Variants in HR observed in about 807,000 individuals in gnomAD.
HR encodes HR lysine demethylase and nuclear receptor corepressor, also known as lysine-specific demethylase hairless.
A neutral mutation model predicts 128.6 loss-of-function variants in HR; 83 were observed. The ratio of observed to expected loss-of-function variants is 0.65; its 90% CI spans 0.54 to 0.77. The LOEUF is 0.77. Among genes scored for constraint, HR ranks in the 30% least tolerant of loss-of-function variants. The pLI is 0.00. For missense variants in HR, 1,490 were observed against 1,574.6 expected, an observed-to-expected ratio of 0.95 and a Z score of 0.91; for synonymous variants, 681 against 658.2, an observed-to-expected ratio of 1.03 and a Z score of -0.53.
At chr8:22,123,947 G>T (rs1826823390) in intron 5 of HR, 134 bp from the exon 6 acceptor site, 5 of 1,043,072 alleles carry the variant, frequency 4.8e-6, no homozygotes, top group Admixed American at 2.0e-5. Context: ...CCCCAGGGAA[G>T]GGAGACAGGC....
Position 22,120,775 on chromosome 8 carries a change from G to C in HR, c.2551C>G (p.Pro851Ala). The C allele has an allele frequency of 6.5e-7, 1 of 1,530,750 alleles. No individual in the cohort carries two copies. The highest frequency in any genetic ancestry group is 8.8e-7 in the Non-Finnish European group (1 of 1,136,094). The allele number at this position is 1,530,750 out of a possible 1,614,324, so 94.8% of individuals were successfully genotyped here. A position where few individuals can be genotyped will look rare whatever the true frequency, so the allele number is the denominator to read the frequency against. The change falls in exon 11 of 19, where the codon CCC becomes GCC. Residue 851 changes from proline (P) to alanine (A), a missense_variant. By Grantham distance (27) the Pro-to-Ala change is conservative (BLOSUM62 -1). Transcript: ENST00000381418. ...AAGCCACGCCGAGGGCAAGGCTGGGGCTCCTGCAGCCACAGCAAAGCCCCT... is the reference window on the plus strand; with the variant it reads ...AAGCCACGCCGAGGGCAAGGCTGGGCCTCCTGCAGCCACAGCAAAGCCCCT... ...PPGALLWLQE[P>A]QPCPRRGFHL...
chr8:22,129,497 T>A (rs1249667244), intron 1 of HR, among the ~76,000 whole-genome samples: 2 of 152,220 alleles, frequency 1.3e-5, no homozygotes, highest in Non-Finnish European at 2.9e-5. Flanking sequence ...AAGCTAGGAA[T>A]CTGCTCACGA....
In HR at chr8:22,119,844, G is replaced by A. The variant is rs751686546; in HGVS notation, c.2893C>T (p.Leu965Phe). The A allele has an allele frequency of 6.2e-7, 1 of 1,613,856 alleles. No homozygotes were observed. The highest frequency in any genetic ancestry group is 1.1e-5 in the South Asian group (1 of 91,086). ...GAAGCCAGGTTGAGTTTTCCATGGA[G>A]GGCGCAGTACTCCGGAAGTGGCAGA... ...ASLPLPEYCA[L>F]HGKLNLASYL... Residue 965 changes from leucine (L) to phenylalanine (F), a missense_variant, in exon 14 of 19, where the codon CTC becomes TTC. Around this residue, in one of 3 missense-constraint regions of HR, gnomAD observed 423 missense variants for 495.9 expected, o/e 0.85. Coordinates refer to ENST00000381418, the MANE Select transcript of HR (RefSeq NM_005144.5).
Position 22,129,035 on chromosome 8 carries a change from G to T in HR, c.136C>A (p.Pro46Thr), listed in dbSNP as rs760827763. The stretch of plus-strand genomic sequence containing the variant: ...AGGACGCCCCTCCAAAAGGGAGCAG[G>T]CTCTCCCAGGCACAGCGGCCCATGG... ...LHHGPLCLGE[P>T]APFWRGVLST... Residue 46 changes from proline to threonine, a missense_variant, in exon 2 of 19, where the codon CCT (proline) becomes ACT (threonine). By Grantham distance (38) the Pro-to-Thr change is conservative. Transcript: ENST00000381418. 6.2e-7 allele frequency: 1 copy of T among 1,605,560 alleles called. No homozygotes were observed. Among genetic ancestry groups the T allele is most frequent in the Non-Finnish European group, 8.5e-7 (1 of 1,175,560 alleles).
rs757776752 is a variant in HR, at chr8:22,129,051, C to T, written c.120G>A (p.Pro40=). The T allele has an allele frequency of 2.1e-5, 34 of 1,599,246 alleles. No individual in the cohort carries two copies. The Admixed American group carries it at 3.7e-4, about 18-fold the overall frequency. ...AGGGAGCAGGCTCTCCCAGGCACAG[C>T]GGCCCATGGTGCAGTCCATCTCGAG... ...SPPRDGLHHG[P]LCLGEPAPFW... Residue 40 remains proline (P), a synonymous_variant, in exon 2 of 19, where the codon CCG becomes CCA. Transcript: ENST00000381418.
In HR at chr8:22,114,575, G is replaced by C. The variant is rs536860310; in HGVS notation, c.*1125C>G. 2.0e-5 allele frequency: 3 copies of C among 153,308 alleles called. No individual in the cohort carries two copies. Among genetic ancestry groups the C allele is most frequent in the African/African-American group, 7.2e-5 (3 of 41,492 alleles). The allele number at this position is 153,308 out of a possible 1,614,324, so 9.5% of individuals were successfully genotyped here. On this transcript the variant is annotated 3_prime_UTR_variant, in exon 19 of 19. Transcript: ENST00000381418. Reference sequence around the variant, plus strand: ...GGAGCGCCACCAGGAGGCTGCGGGCGTGGAGCGGGGACAAGGAGGGGTCGG... The same window carrying C: ...GGAGCGCCACCAGGAGGCTGCGGGCCTGGAGCGGGGACAAGGAGGGGTCGG...
At chr8:22,125,192 C>T (rs1826852227) in intron 5 of HR, 119 bp downstream of exon 5, 2 of 1,010,740 alleles carry the variant, frequency 2.0e-6, no homozygotes, top group East Asian at 2.6e-5. Context: ...CCACCCAGGC[C>T]AGGGGCTCTT....
chr8:22,121,319 C>T, intron 9 of HR, 91 bp from the exon 10 acceptor site: 2 of 1,497,824 alleles, frequency 1.3e-6, no homozygotes, highest in Non-Finnish European at 1.8e-6. Flanking sequence ...TCCCTCTCTT[C>T]CTGGCTGAGC....
At position 22,125,779 on chromosome 8, in the gene HR, T is replaced by G. The variant is rs556534945; in HGVS notation, c.1406-47A>C. 5.0e-6 allele frequency: 8 copies of G among 1,605,696 alleles called. No individual in the cohort carries two copies. In the East Asian group the frequency reaches 8.9e-5, roughly 18 times the overall value. ...CAGGAATCTGGGTTTCTTGGGCTGC[T>G]GAGAACCCCATTCCTCACCTTAGCG... On this transcript the variant is annotated intron_variant, in intron 3 of 18. Coordinates refer to ENST00000381418, the MANE Select transcript of HR (RefSeq NM_005144.5).
In HR at chr8:22,129,107, C is replaced by G; in HGVS notation, c.64G>C (p.Gly22Arg). 3.2e-6 allele frequency: 5 copies of G among 1,569,268 alleles called. 1 individual carries two copies. Among genetic ancestry groups the G allele is most frequent in the African/African-American group, 1.4e-5 (1 of 73,440 alleles). ...CTGCCGGGCTCCTGTCTCACGATGC[C>G]GTTCTCTGGGGCCGTCTTCTCCCAG... is the stretch of plus-strand genomic sequence containing the variant. ...PTWEKTAPEN[G>R]IVRQEPGSPP... The change falls in exon 2 of 19, where the codon GGC becomes CGC. Residue 22 changes from glycine (G) to arginine (R), a missense_variant. This residue lies in a region of HR where 1,060 missense variants were observed against 1,060.9 expected (regional missense o/e 1.00). Coordinates refer to ENST00000381418, the MANE Select transcript of HR (RefSeq NM_005144.5).
At chr8:22,119,631 A>AT in intron 14 of HR, 129 bp downstream of exon 14, 17 of 1,136,776 alleles carry the variant, frequency 1.5e-5, no homozygotes, top group Non-Finnish European at 1.8e-5. Flanking sequence ...AAAAAAAAAA[A>AT]GAAAGAAAGA....
chr8:22,116,519 A>T lies in HR; in HGVS notation c.3379-91T>A, dbSNP rs6557830. ...CTGAGGTTCGCTTCCTCTAATGACAACCACCCCCGACCCCTGGCTCTCAGA... is the reference window on the plus strand; with the variant it reads ...CTGAGGTTCGCTTCCTCTAATGACATCCACCCCCGACCCCTGGCTCTCAGA... On this transcript the variant is annotated intron_variant, in intron 17 of 18. Transcript: ENST00000381418. This position sits in a 1 kb window ranked among gnomAD's most constrained non-coding sequence, Gnocchi z 4.2. The T allele has an allele frequency of 6.6e-7, 1 of 1,519,998 alleles. No individual in the cohort carries two copies. Among genetic ancestry groups the T allele is most frequent in the Non-Finnish European group, 8.9e-7 (1 of 1,123,950 alleles). 94.2% of individuals were successfully genotyped at this position (1,519,998 alleles called of 1,614,324 possible).
At chr8:22,120,643 G>T (rs1007149880) in intron 11 of HR, 73 bp downstream of exon 11, 1 of 1,552,530 alleles carries the variant, frequency 6.4e-7, no homozygotes. Context: ...GGGTCTGTCT[G>T]GGCCTAGGGA....
chr8:22,125,636 G>A lies in HR; in HGVS notation c.1502C>T (p.Ala501Val), dbSNP rs1388209571. 1.2e-6 allele frequency: 2 copies of A among 1,611,100 alleles called. No individual in the cohort carries two copies. The highest frequency in any genetic ancestry group is 2.2e-5 in the South Asian group (2 of 90,378). ...PAKLAQCQSC[A>V]QAAGEGGGHA... ...CCCTCCTCCCTCTCCAGCTGCCTGG[G>A]CACAACTTTGGCATTGAGCCAGTTT... is the stretch of plus-strand genomic sequence containing the variant. The change falls in exon 4 of 19, where the codon GCC becomes GTC. Residue 501 changes from alanine (A) to valine (V), a missense_variant. Transcript: ENST00000381418.
chr8:22,129,625 A>T (rs954714371), intron 1 of HR, among the ~76,000 whole-genome samples: 2 of 152,238 alleles, frequency 1.3e-5, no homozygotes, highest in Non-Finnish European at 2.9e-5. Context: ...TCTGGGCCTC[A>T]GTGTGCCCTT....
At position 22,116,527 on chromosome 8, in the gene HR, C is replaced by G; in HGVS notation, c.3379-99G>C. The G allele has an allele frequency of 7.0e-7, 1 of 1,419,908 alleles. No homozygotes were observed. The highest frequency in any genetic ancestry group is 9.5e-7 in the Non-Finnish European group (1 of 1,050,014). 88.0% of individuals were successfully genotyped at this position (1,419,908 alleles called of 1,614,324 possible). A position where few individuals can be genotyped will look rare whatever the true frequency, so the allele number is the denominator to read the frequency against. ...CGCTTCCTCTAATGACAACCACCCC[C>G]GACCCCTGGCTCTCAGAGAGCAGAT... On this transcript the variant is annotated intron_variant, in intron 17 of 18. Transcript: ENST00000381418. The surrounding 1 kb of genome is among the most constrained non-coding windows in gnomAD (Gnocchi z 4.2).
chr8:22,119,239 C>T lies in HR; in HGVS notation c.3022G>A (p.Val1008Met). ...ATGCTGACCAGGTCGGCCACCTCCA[C>T]ACAGAGGTTCTTGGTCCCCAGGTGT... ...RGHLGTKNLC[V>M]EVADLVSILV... The change falls in exon 15 of 19, where the codon GTG becomes ATG. Residue 1008 changes from valine (V) to methionine (M), a missense_variant. Physicochemically the swap from Val to Met is conservative, Grantham distance 21. Around this residue, in one of 3 missense-constraint regions of HR, gnomAD observed 423 missense variants for 495.9 expected, o/e 0.85. Transcript: ENST00000381418. The T allele has an allele frequency of 6.2e-7, 1 of 1,613,848 alleles. No individual in the cohort carries two copies. The highest frequency in any genetic ancestry group is 1.1e-5 in the South Asian group (1 of 91,086).
chr8:22,125,537 G>C (rs377724387), intron 4 of HR, 33 bp from the exon 5 acceptor site: 10 of 1,613,000 alleles, frequency 6.2e-6, no homozygotes, highest in Non-Finnish European at 8.5e-6. Flanking sequence ...TGAGCAGGGA[G>C]CCCTGGCGAG....
In HR at chr8:22,128,918, C is replaced by G. The variant is rs778332512; in HGVS notation, c.253G>C (p.Glu85Gln). The G allele has an allele frequency of 1.9e-6, 3 of 1,613,518 alleles. No homozygotes were observed. The South Asian group carries it at 3.3e-5, about 18-fold the overall frequency. Residue 85 changes from glutamate to glutamine, a missense_variant, in exon 2 of 19, where the codon GAG (glutamate) becomes CAG (glutamine). By Grantham distance (29) the Glu-to-Gln change is conservative. Coordinates refer to ENST00000381418, the MANE Select transcript of HR (RefSeq NM_005144.5). ...LVEGEGPQNGERKVNWLGSKE... is the reference protein window; with the variant it reads ...LVEGEGPQNGQRKVNWLGSKE... Reference sequence around the variant, plus strand: ...CTGCCCAGCCAGTTGACCTTCCTCTCCCCATTCTGGGGGCCCTCGCCCTCC... The same window carrying G: ...CTGCCCAGCCAGTTGACCTTCCTCTGCCCATTCTGGGGGCCCTCGCCCTCC...
Sources: allele counts gnomAD v4.1 joint callset (sites outside exome capture counted in the v4.1 genomes callset), GRCh38; gene constraint gnomAD v4.1.1; regional missense constraint gnomAD v4.1.1; non-coding constraint Gnocchi (gnomAD v3.1); transcripts MANE v1.5; gene names NCBI Gene and HGNC (gene_info 2026-07-23, HGNC 2026-07-21).